Variants in RNF150 observed in about 807,000 individuals in gnomAD.
RNF150 encodes ring finger protein 150.
In RNF150, 24 loss-of-function variants were observed where a neutral mutation model predicts 39.3. The ratio of observed to expected loss-of-function variants is 0.61; its 90% CI spans 0.44 to 0.86. The LOEUF (loss-of-function observed/expected upper bound fraction) is 0.86, where lower values mean the gene tolerates loss of function less well. RNF150 is among the 40% of genes least tolerant of loss of function. The pLI is 0.00. For synonymous variants in RNF150, 255 were observed against 227.3 expected (o/e 1.12, Z -1.10); for missense variants, 502 against 587.8 (o/e 0.85, Z 1.51).
At chr4:140,999,704 G>T (rs1378023497) in intron 1 of RNF150, among the ~76,000 whole-genome samples, 1 of 151,984 alleles carries the variant, frequency 6.6e-6, no homozygotes, top group East Asian at 1.9e-4. Context: ...GGAGGCCAAG[G>T]CAGGTGGATG....
chr4:141,035,292 G>C (rs1736098595), intron 1 of RNF150, among the ~76,000 whole-genome samples: 1 of 152,160 alleles, frequency 6.6e-6, no homozygotes, highest in Non-Finnish European at 1.5e-5. Flanking sequence ...AGTCCTGCTG[G>C]TGTGAGCCAG....
At chr4:141,122,584 T>C (rs1401922195) in intron 1 of RNF150, among the ~76,000 whole-genome samples, 2 of 152,256 alleles carry the variant, frequency 1.3e-5, no homozygotes, top group African/African-American at 2.4e-5. Flanking sequence ...GAAGTATTCA[T>C]GGATATGCAC....
intron 1 of RNF150, among the ~76,000 whole-genome samples, chr4:141,035,211 G>A (rs970849471): frequency 1.3e-5 from 2 of 152,182 alleles, no homozygotes; most frequent in Admixed American, 6.5e-5. Flanking sequence ...ATACTGAAGT[G>A]TTTACTTAAA....
chr4:141,022,880 C>T (rs533340404), intron 1 of RNF150, among the ~76,000 whole-genome samples: 1 of 152,166 alleles, frequency 6.6e-6, no homozygotes, highest in Non-Finnish European at 1.5e-5. Context: ...TTGTCAAAAG[C>T]ATTCAGCTAA....
chr4:140,866,945 A>G lies in RNF150; in HGVS notation c.*1316T>C, dbSNP rs1728734637. On this transcript the variant is annotated 3_prime_UTR_variant, in exon 7 of 7. Coordinates refer to ENST00000515673, the MANE Select transcript of RNF150 (RefSeq NM_020724.2). ...AAAACAGAAACAGTTTAAAAACACC[A>G]TTGGGTTTCAGTATTTACTTGATAC... 6.6e-6 allele frequency: 1 copy of G among 152,210 alleles called. No homozygotes were observed. The highest frequency in any genetic ancestry group is 2.4e-5 in the African/African-American group (1 of 41,454). 9.4% of individuals were successfully genotyped at this position (152,210 alleles called of 1,614,324 possible). A position where few individuals can be genotyped will look rare whatever the true frequency, so the allele number is the denominator to read the frequency against.
chr4:140,977,150 T>C (rs919353031), intron 1 of RNF150, among the ~76,000 whole-genome samples: 2 of 152,178 alleles, frequency 1.3e-5, no homozygotes, highest in Non-Finnish European at 2.9e-5. Flanking sequence ...ACCCACTAAG[T>C]AGATGTTAAC....
rs1727153078 is a variant in RNF150, at chr4:141,143,426, C to T, written c.-6+69368G>A. Among the ~76,000 whole-genome samples, 2 of 152,132 alleles carry T rather than the reference C, an allele frequency of 1.3e-5. 1 individual carries two copies. The highest frequency in any genetic ancestry group is 1.3e-4 in the Admixed American group (2 of 15,268). Reference sequence around the variant, plus strand: ...CCACGTCTAAACATCTAACCCATCACCAGCTCTGTTATGTTAATCCAATCT... The same window carrying T: ...CCACGTCTAAACATCTAACCCATCATCAGCTCTGTTATGTTAATCCAATCT... On this transcript the variant is annotated intron_variant, in intron 1 of 7. Transcript: ENST00000420921.
intron 6 of RNF150, among the ~76,000 whole-genome samples, chr4:140,885,261 T>C (rs1165310563): frequency 6.8e-6 from 1 of 146,582 alleles, no homozygotes; most frequent in Non-Finnish European, 1.5e-5. Flanking sequence ...AGTGCAGTGG[T>C]GTGACCTCAG....
rs116502253 is a variant in RNF150, at chr4:140,878,507, C to T, written c.1199-10128G>A. ...TTTTGATTCACATTTCCCTGATGAT[C>T]GGTGATGTTAAGTATCTTTTTTATG... On this transcript the variant is annotated intron_variant, in intron 6 of 6. Coordinates refer to ENST00000515673, the MANE Select transcript of RNF150 (RefSeq NM_020724.2). Among the ~76,000 whole-genome samples, 505 of 152,168 alleles carry T rather than the reference C, an allele frequency of 3.3e-3. 5 individuals are homozygous for T. Among genetic ancestry groups the T allele is most frequent in the African/African-American group, 0.011 (438 of 41,524 alleles).
At chr4:141,000,038 G>GAAAAGAAGAA (rs1560679160) in intron 1 of RNF150, among the ~76,000 whole-genome samples, 11 of 54,428 alleles carry the variant, frequency 2.0e-4, no homozygotes, top group Non-Finnish European at 4.3e-4. Context: ...AGAAGAAGAA[G>GAAAAGAAGAA]AAGAAGAAGA....
chr4:141,111,924 G>C (rs1388720469), intron 1 of RNF150, among the ~76,000 whole-genome samples: 1 of 152,052 alleles, frequency 6.6e-6, no homozygotes, highest in African/African-American at 2.4e-5. Context: ...AATGCTAATA[G>C]TCTGCAAATT....
In RNF150 at chr4:140,994,750, C is replaced by T. The variant is rs748873991; in HGVS notation, c.485-26877G>A. The stretch of plus-strand genomic sequence containing the variant: ...GCTCACTAGAGTAAAAGGCAGGAAG[C>T]ATTTTCCACCCAAGTTGCTACGCCT... On this transcript the variant is annotated intron_variant, in intron 1 of 6. Transcript: ENST00000515673. Among the ~76,000 whole-genome samples, 3 of 152,224 alleles carry T rather than the reference C, an allele frequency of 2.0e-5. 1 individual carries two copies. The highest frequency in any genetic ancestry group is 6.5e-5 in the Admixed American group (1 of 15,280).
chr4:141,016,390 C>T (rs773650482), intron 1 of RNF150, among the ~76,000 whole-genome samples: 1 of 152,192 alleles, frequency 6.6e-6, no homozygotes, highest in Non-Finnish European at 1.5e-5. Flanking sequence ...AACACCAGTA[C>T]ATTTTCTGGC....
intron 1 of RNF150, among the ~76,000 whole-genome samples, chr4:141,139,267 T>A (rs1226524320): frequency 6.6e-6 from 1 of 152,248 alleles, no homozygotes; most frequent in East Asian, 1.9e-4. Flanking sequence ...TTGCCATCTC[T>A]GTGTTAGGCC....
At chr4:141,187,963 A>G (rs1458300963) in intron 1 of RNF150, among the ~76,000 whole-genome samples, 1 of 152,014 alleles carries the variant, frequency 6.6e-6, no homozygotes, top group African/African-American at 2.4e-5. Context: ...ATATTTTGGT[A>G]TGTTTTTCCA....
At chr4:140,986,778 ACAGTAATC>A (rs1734030164) in intron 1 of RNF150, among the ~76,000 whole-genome samples, 1 of 152,040 alleles carries the variant, frequency 6.6e-6, no homozygotes, top group African/African-American at 2.4e-5. Context: ...AGTCCTAGTC[ACAGTAATC>A]AGGCAAGAGA....
intron 4 of RNF150, among the ~76,000 whole-genome samples, chr4:140,933,959 AATGG>A (rs1204373056): frequency 6.6e-6 from 1 of 152,092 alleles, no homozygotes; most frequent in Non-Finnish European, 1.5e-5. Context: ...CTTGATCTGA[AATGG>A]TTGGGCCAAT....
At chr4:141,188,631 G>C (rs1242367107) in intron 1 of RNF150, among the ~76,000 whole-genome samples, 1 of 151,962 alleles carries the variant, frequency 6.6e-6, no homozygotes, top group Non-Finnish European at 1.5e-5. Flanking sequence ...TCTTCTGCTG[G>C]ATCAATTCAG....
chr4:141,075,338 C>CACGT (rs1560724118), intron 1 of RNF150, among the ~76,000 whole-genome samples: 1 of 151,798 alleles, frequency 6.6e-6, no homozygotes, highest in Non-Finnish European at 1.5e-5. Flanking sequence ...GGTCCTCAGG[C>CACGT]AGGTCCATAC....
Sources: allele counts gnomAD v4.1 joint callset (sites outside exome capture counted in the v4.1 genomes callset), GRCh38; gene constraint gnomAD v4.1.1; transcripts MANE v1.5; gene names NCBI Gene and HGNC (gene_info 2026-07-23, HGNC 2026-07-21).